The following GOLIM4 variants were observed in gnomAD, a reference collection of about 807,000 sequenced individuals.
The protein encoded by GOLIM4 is 130 kDa golgi-localized phosphoprotein.
In GOLIM4, 71 loss-of-function variants were observed where a neutral mutation model predicts 107.4. That is an observed-to-expected ratio of 0.66 (90% CI 0.55 to 0.81). GOLIM4 has a LOEUF of 0.81. Ranked by LOEUF, GOLIM4 falls within the 30% of genes least tolerant of loss-of-function variation. GOLIM4 has a pLI of 0.00. For synonymous variants in GOLIM4, 327 were observed against 294.8 expected (o/e 1.11, Z -1.12); for missense variants, 830 against 826.1 (o/e 1.00, Z -0.06).
chr3:168,021,319 A>T (rs754362008), intron 14 of GOLIM4, among the ~76,000 whole-genome samples: 1 of 152,226 alleles, frequency 6.6e-6, no homozygotes, highest in Non-Finnish European at 1.5e-5. Context: ...GCCTTCAGCA[A>T]CATTAGCTAT....
In GOLIM4 at chr3:168,032,579, T is replaced by C; in HGVS notation, c.1117A>G (p.Lys373Glu). The C allele has an allele frequency of 6.2e-7, 1 of 1,614,092 alleles. No homozygotes were observed. Among genetic ancestry groups the C allele is most frequent in the Non-Finnish European group, 8.5e-7 (1 of 1,180,018 alleles). The change falls in exon 9 of 16, where the codon AAA becomes GAA. Residue 373 changes from lysine (K) to glutamate (E), a missense_variant. Physicochemically the swap from Lys to Glu is moderately conservative, Grantham distance 56. Transcript: ENST00000470487. ...PSPEEQDREWKEQHEQREAAN... is the reference protein window; with the variant it reads ...PSPEEQDREWEEQHEQREAAN... ...GCTTCTCGTTGCTCATGCTGCTCTT[T>C]CCACTCCCGATCCTGCTCCTCTGGT...
intron 1 of GOLIM4, among the ~76,000 whole-genome samples, chr3:168,072,826 C>T (rs1328616839): frequency 6.6e-6 from 1 of 152,042 alleles, no homozygotes; most frequent in African/African-American, 2.4e-5. Context: ...AATCACTACT[C>T]AGAGAACTTA....
chr3:168,041,262 T>G (rs570049429), intron 6 of GOLIM4, 130 bp downstream of exon 6: 3 of 617,394 alleles, frequency 4.9e-6, no homozygotes, highest in Non-Finnish European at 8.7e-6. Flanking sequence ...AGGTACACTC[T>G]AGTTAATGCA....
chr3:168,078,066 A>C (rs957512424), intron 1 of GOLIM4, among the ~76,000 whole-genome samples: 1 of 152,082 alleles, frequency 6.6e-6, no homozygotes, highest in African/African-American at 2.4e-5. Context: ...TGAATCTTGA[A>C]TTTAAAAAAT....
At chr3:168,070,103 T>C (rs1720758632) in intron 1 of GOLIM4, among the ~76,000 whole-genome samples, 1 of 152,038 alleles carries the variant, frequency 6.6e-6, no homozygotes, top group African/African-American at 2.4e-5. Flanking sequence ...TATTTAACTA[T>C]AAAATCCAGG....
chr3:168,033,264 T>C (rs1388931574), intron 8 of GOLIM4, among the ~76,000 whole-genome samples: 1 of 151,322 alleles, frequency 6.6e-6, no homozygotes, highest in Non-Finnish European at 1.5e-5. Flanking sequence ...TGAAATAAAA[T>C]TGAGGAGTTG....
At chr3:168,094,539 A>G (rs1027104069) in intron 1 of GOLIM4, among the ~76,000 whole-genome samples, 1 of 152,224 alleles carries the variant, frequency 6.6e-6, no homozygotes, top group Non-Finnish European at 1.5e-5. Context: ...AGAATAAGAA[A>G]TAAGAAACTA....
chr3:168,014,079 C>CA (rs1245011957), intron 14 of GOLIM4, among the ~76,000 whole-genome samples: 1 of 139,778 alleles, frequency 7.2e-6, no homozygotes, highest in Non-Finnish European at 1.5e-5. Context: ...AAAAACCCTT[C>CA]AAAAAATTAA....
At chr3:168,094,783 C>T (rs561978587) in intron 1 of GOLIM4, among the ~76,000 whole-genome samples, 13 of 152,294 alleles carry the variant, frequency 8.5e-5, no homozygotes, top group Admixed American at 8.5e-4. Context: ...GTTTCCCTGC[C>T]CCGATTGCAG....
intron 1 of GOLIM4, among the ~76,000 whole-genome samples, chr3:168,082,061 A>T (rs1372790572): frequency 1.3e-5 from 2 of 152,196 alleles, no homozygotes; most frequent in African/African-American, 2.4e-5. Flanking sequence ...AAAAGACCTC[A>T]GGAGGAATTT....
intron 12 of GOLIM4, 151 bp downstream of exon 12, chr3:168,027,577 T>C: frequency 1.6e-6 from 1 of 618,154 alleles, no homozygotes; most frequent in Non-Finnish European, 2.9e-6. Flanking sequence ...TTAAAAACAC[T>C]GCCCATATAT....
intron 1 of GOLIM4, among the ~76,000 whole-genome samples, chr3:168,082,957 T>G (rs1721447123): frequency 6.6e-6 from 1 of 152,202 alleles, no homozygotes; most frequent in African/African-American, 2.4e-5. Flanking sequence ...ATCCAATCTC[T>G]TATAGAAATA....
At chr3:168,074,221 G>T (rs984520967) in intron 1 of GOLIM4, among the ~76,000 whole-genome samples, 18 of 152,150 alleles carry the variant, frequency 1.2e-4, no homozygotes, top group Non-Finnish European at 2.5e-4. Flanking sequence ...AGAAACCTAG[G>T]ACTAGAACCA....
chr3:168,037,632 G>C (rs2108238713), intron 7 of GOLIM4, among the ~76,000 whole-genome samples: 1 of 152,188 alleles, frequency 6.6e-6, no homozygotes, highest in East Asian at 1.9e-4. Flanking sequence ...TTTTATCCTT[G>C]ATTGTGAATG....
chr3:168,021,075 G>A (rs1375558472), intron 14 of GOLIM4, among the ~76,000 whole-genome samples: 3 of 152,136 alleles, frequency 2.0e-5, no homozygotes, highest in Admixed American at 1.3e-4. Flanking sequence ...AGGCATTTTA[G>A]AAATGAGCCT....
intron 8 of GOLIM4, among the ~76,000 whole-genome samples, chr3:168,035,946 G>T (rs559058521): frequency 6.6e-6 from 1 of 152,000 alleles, no homozygotes; most frequent in Admixed American, 6.5e-5. Flanking sequence ...TTTTTATAAA[G>T]AACAAGAATA....
intron 1 of GOLIM4, among the ~76,000 whole-genome samples, chr3:168,081,494 G>A (rs934661120): frequency 6.6e-6 from 1 of 152,170 alleles, no homozygotes; most frequent in Non-Finnish European, 1.5e-5. Context: ...CTCAGAGGTG[G>A]CAAAGTCAGA....
At position 168,095,471 on chromosome 3, in the gene GOLIM4, G is replaced by C; in HGVS notation, c.-186C>G. 1 of 543,668 alleles carries C rather than the reference G, an allele frequency of 1.8e-6. No individual in the cohort carries two copies. Among genetic ancestry groups the C allele is most frequent in the South Asian group, 2.4e-5 (1 of 42,382 alleles). 33.7% of individuals were successfully genotyped at this position (543,668 alleles called of 1,614,324 possible). On this transcript the variant is annotated 5_prime_UTR_variant, in exon 1 of 16. Transcript: ENST00000470487. ...GCCCCCGCGCGGCGCGGGGCGCGCA[G>C]CCATCGACGCCGCCCGGGCAGCTGC...
chr3:168,047,710 T>C (rs1336329051), intron 2 of GOLIM4, among the ~76,000 whole-genome samples: 1 of 152,226 alleles, frequency 6.6e-6, no homozygotes, highest in African/African-American at 2.4e-5. Flanking sequence ...GTATAAGGCC[T>C]GTGTTTTATG....
Sources: gnomAD v4.1 joint callset for allele counts (sites outside exome capture counted in the v4.1 genomes callset) on GRCh38, gnomAD v4.1.1 for gene constraint, MANE v1.5 for transcripts, NCBI Gene and HGNC (gene_info 2026-07-23, HGNC 2026-07-21) for gene names.